OPCML: variants seen among roughly 807,000 people sequenced by gnomAD.
OPCML encodes the protein opioid binding protein/cell adhesion molecule like.
A neutral mutation model predicts 37.8 loss-of-function variants in OPCML; 13 were observed. The observed-to-expected ratio is 0.34, with a 90% CI of 0.22 to 0.55. The LOEUF (loss-of-function observed/expected upper bound fraction) is 0.55, where lower values mean the gene tolerates loss of function less well. Among genes scored for constraint, OPCML ranks in the 20% least tolerant of loss-of-function variants. The pLI, the probability that OPCML is intolerant of heterozygous loss-of-function variation, is 0.91. For synonymous variants in OPCML, 176 were observed against 168.8 expected (o/e 1.04, Z -0.33); for missense variants, 341 against 435.6 (o/e 0.78, Z 1.93).
At chr11:132,500,955 T>G (rs2096244255) in intron 4 of OPCML, among the ~76,000 whole-genome samples, 1 of 152,240 alleles carries the variant, frequency 6.6e-6, no homozygotes, top group Non-Finnish European at 1.5e-5. Flanking sequence ...AGTCTACAAT[T>G]GATGGGCATT....
chr11:132,542,920 A>G (rs2096360422), intron 3 of OPCML, among the ~76,000 whole-genome samples: 1 of 152,164 alleles, frequency 6.6e-6, no homozygotes. Context: ...AGTTGTGGTC[A>G]TTGTGTGTTC....
rs184071083 is a variant in OPCML, at chr11:132,467,469, C to A, written c.506-30110G>T. ...CTGCTCACAGCACAAATTGTCTGTA[C>A]AACTCATTTTGCCCCTTAATTATAT... On this transcript the variant is annotated intron_variant, in intron 4 of 7. Transcript: ENST00000524381. Among the ~76,000 whole-genome samples, 7 of 152,360 alleles carry A rather than the reference C, an allele frequency of 4.6e-5. No individual in the cohort carries two copies. The East Asian group carries it at 7.7e-4, about 17-fold the overall frequency.
chr11:133,270,441 G>A (rs1336882923), intron 1 of OPCML, among the ~76,000 whole-genome samples: 1 of 152,138 alleles, frequency 6.6e-6, no homozygotes, highest in Non-Finnish European at 1.5e-5. Context: ...TCTCCTCCAA[G>A]TCTTAAATTC....
chr11:132,723,145 A>G (rs1342860199), intron 2 of OPCML, among the ~76,000 whole-genome samples: 1 of 152,240 alleles, frequency 6.6e-6, no homozygotes, highest in Non-Finnish European at 1.5e-5. Flanking sequence ...TGATTAGGAA[A>G]TGGTTATTTA....
At chr11:133,062,328 A>T (rs966647022) in intron 1 of OPCML, among the ~76,000 whole-genome samples, 8 of 152,202 alleles carry the variant, frequency 5.3e-5, no homozygotes, top group African/African-American at 1.9e-4. Flanking sequence ...TCCTTATCTT[A>T]AATCTCTCAG....
At chr11:132,497,234 C>A (rs2096234140) in intron 4 of OPCML, among the ~76,000 whole-genome samples, 1 of 151,896 alleles carries the variant, frequency 6.6e-6, no homozygotes, top group Admixed American at 6.6e-5. Context: ...ACACTGGGGC[C>A]TGTCGGAGTG....
chr11:133,151,497 C>G (rs1222727982), intron 1 of OPCML, among the ~76,000 whole-genome samples: 1 of 151,696 alleles, frequency 6.6e-6, no homozygotes, highest in East Asian at 1.9e-4. Flanking sequence ...GCTAGAAGAG[C>G]CTGTATCAAT....
At chr11:132,942,466 C>CT (rs1308741301) in intron 2 of OPCML, among the ~76,000 whole-genome samples, 1 of 152,194 alleles carries the variant, frequency 6.6e-6, no homozygotes, top group Non-Finnish European at 1.5e-5. Flanking sequence ...TGGGCTGACA[C>CT]TGGTAATTCC....
intron 1 of OPCML, among the ~76,000 whole-genome samples, chr11:133,436,176 C>A (rs1255795908): frequency 1.3e-5 from 2 of 152,028 alleles, no homozygotes; most frequent in East Asian, 1.9e-4. Flanking sequence ...GCAATGAGAA[C>A]AACAACAAAA....
intron 4 of OPCML, among the ~76,000 whole-genome samples, chr11:132,476,635 A>G (rs1413240129): frequency 6.6e-6 from 1 of 152,118 alleles, no homozygotes; most frequent in Non-Finnish European, 1.5e-5. Context: ...GTGGGAATTG[A>G]ACAATGAGAA....
Position 133,174,101 on chromosome 11 carries a change from T to C in OPCML, c.62-231091A>G, listed in dbSNP as rs530184780. Among the ~76,000 whole-genome samples the C allele has an allele frequency of 9.2e-5, 14 of 152,368 alleles. No individual in the cohort carries two copies. In the South Asian group the frequency reaches 2.7e-3, roughly 29 times the overall value. ...TGTGAGATGCCTCGTTTGATTAATT[T>C]ATGTCAGCGTTTTCTGTGTTGTCAG... On this transcript the variant is annotated intron_variant, in intron 1 of 7. Transcript: ENST00000524381. This position sits in a 1 kb window ranked among gnomAD's most constrained non-coding sequence, Gnocchi z 4.6.
chr11:133,174,260 G>C lies in OPCML; in HGVS notation c.62-231250C>G, dbSNP rs899685468. Among the ~76,000 whole-genome samples, 2 of 152,274 alleles carry C rather than the reference G, an allele frequency of 1.3e-5. No homozygotes were observed. The highest frequency in any genetic ancestry group is 1.3e-4 in the Admixed American group (2 of 15,302). ...ACTCCTAGAAGGCGAAGCATGATTAGAACCAAGCCTTCCTGCCAAACGTAG... is the reference window on the plus strand; with the variant it reads ...ACTCCTAGAAGGCGAAGCATGATTACAACCAAGCCTTCCTGCCAAACGTAG... On this transcript the variant is annotated intron_variant, in intron 1 of 7. Coordinates refer to ENST00000524381, the MANE Select transcript of OPCML (RefSeq NM_001012393.5). The surrounding 1 kb of genome is among the most constrained non-coding windows in gnomAD (Gnocchi z 4.6).
chr11:132,769,546 A>G (rs1249647908), intron 2 of OPCML, among the ~76,000 whole-genome samples: 2 of 152,210 alleles, frequency 1.3e-5, no homozygotes, highest in Non-Finnish European at 2.9e-5. Flanking sequence ...CAAAAACAAA[A>G]GCAATGAGTG....
intron 2 of OPCML, among the ~76,000 whole-genome samples, chr11:132,873,340 G>A (rs1319668837): frequency 6.6e-6 from 1 of 152,176 alleles, no homozygotes; most frequent in Admixed American, 6.5e-5. Context: ...ACCAAGTTAG[G>A]TGATACGCTT....
At chr11:132,983,088 A>G (rs555934720) in intron 1 of OPCML, among the ~76,000 whole-genome samples, 2 of 152,288 alleles carry the variant, frequency 1.3e-5, no homozygotes, top group Non-Finnish European at 2.9e-5. Flanking sequence ...TGCTGGTGCT[A>G]TGCTTGGTCT....
chr11:133,140,988 A>C (rs1307476291), intron 1 of OPCML, among the ~76,000 whole-genome samples: 468 of 4,386 alleles, frequency 0.11, 107 homozygotes, highest in African/African-American at 0.16. Context: ...AAGAAGAAGA[A>C]GAAGAAGAAG....
chr11:133,460,089 A>G (rs1265744562), intron 1 of OPCML, among the ~76,000 whole-genome samples: 1 of 152,018 alleles, frequency 6.6e-6, no homozygotes, highest in African/African-American at 2.4e-5. Flanking sequence ...ACACAAATAT[A>G]TTGAAGTTCA....
intron 2 of OPCML, among the ~76,000 whole-genome samples, chr11:132,718,859 A>G (rs1944581996): frequency 6.6e-6 from 1 of 152,130 alleles, no homozygotes; most frequent in African/African-American, 2.4e-5. Context: ...GACATCTCCT[A>G]TTTTACAAAT....
rs1000253751 is a variant in OPCML at position 132,434,973 on chromosome 11, T to C, written c.916+1113A>G. ...ACATAAAGCTATTCCACAGAGTGCA[T>C]TTGAAAGCCATCATATTCTACATGC... On this transcript the variant is annotated intron_variant, in intron 7 of 7. Transcript: ENST00000524381. Among the ~76,000 whole-genome samples, 8 of 152,206 alleles carry C rather than the reference T, an allele frequency of 5.3e-5. No homozygotes were observed. In the East Asian group the frequency reaches 1.5e-3, roughly 29 times the overall value.
Sources: gnomAD v4.1 joint callset for allele counts (sites outside exome capture counted in the v4.1 genomes callset) on GRCh38, gnomAD v4.1.1 for gene constraint, Gnocchi (gnomAD v3.1) non-coding constraint, MANE v1.5 for transcripts, NCBI Gene and HGNC (gene_info 2026-07-23, HGNC 2026-07-21) for gene names.